Variants in MAML3 observed in about 807,000 individuals in gnomAD.
MAML3 encodes mastermind like transcriptional coactivator 3.
A neutral mutation model predicts 101.9 loss-of-function variants in MAML3; 27 were observed. The observed-to-expected ratio is 0.27, with a 90% CI of 0.20 to 0.37. The LOEUF (loss-of-function observed/expected upper bound fraction) is 0.37. Ranked by LOEUF, MAML3 falls within the 10% of genes least tolerant of loss-of-function variation. The pLI is 1.00. For missense variants in MAML3, 1,316 were observed against 1,444.9 expected (o/e 0.91, Z 1.45); for synonymous variants, 501 against 555.9 (o/e 0.90, Z 1.39).
At chr4:139,876,803 A>G (rs1304301441) in intron 2 of MAML3, among the ~76,000 whole-genome samples, 2 of 152,252 alleles carry the variant, frequency 1.3e-5, no homozygotes, top group Non-Finnish European at 2.9e-5. Flanking sequence ...CTGGGGCTGC[A>G]GTTTATCGGC....
At chr4:139,853,090 C>G (rs1721863593) in intron 2 of MAML3, among the ~76,000 whole-genome samples, 1 of 152,204 alleles carries the variant, frequency 6.6e-6, no homozygotes, top group South Asian at 2.1e-4. Flanking sequence ...TGACCAGAAC[C>G]AGAAAGTGAT....
intron 1 of MAML3, among the ~76,000 whole-genome samples, chr4:139,961,842 G>A (rs1045888506): frequency 1.3e-5 from 2 of 152,134 alleles, no homozygotes; most frequent in African/African-American, 4.8e-5. Flanking sequence ...AGCCGGGCAC[G>A]GTGGCTCACA....
intron 1 of MAML3, among the ~76,000 whole-genome samples, chr4:140,094,709 C>T (rs1041127831): frequency 3.3e-5 from 5 of 152,166 alleles, no homozygotes; most frequent in Non-Finnish European, 7.3e-5. Context: ...TTCTTCTGGG[C>T]TCTTTGTGTT....
chr4:140,112,378 TTAAAGGTA>T (rs1273636613), intron 1 of MAML3, among the ~76,000 whole-genome samples: 1 of 152,146 alleles, frequency 6.6e-6, no homozygotes, highest in Non-Finnish European at 1.5e-5. Context: ...CTCCATATTT[TTAAAGGTA>T]ACATGTTGAC....
intron 1 of MAML3, among the ~76,000 whole-genome samples, chr4:140,084,687 C>T (rs7697940): frequency 3.4e-4 from 52 of 152,178 alleles, no homozygotes; most frequent in Admixed American, 2.2e-3. Flanking sequence ...CAAAATGAAA[C>T]GACTCATAAA....
chr4:140,013,655 T>A (rs2110864391), intron 1 of MAML3, among the ~76,000 whole-genome samples: 1 of 152,354 alleles, frequency 6.6e-6, no homozygotes, highest in East Asian at 1.9e-4. Context: ...TTTATGGAAA[T>A]TAGATTACTT....
chr4:139,879,024 G>C (rs1428971931), intron 2 of MAML3, among the ~76,000 whole-genome samples: 1 of 152,142 alleles, frequency 6.6e-6, no homozygotes, highest in African/African-American at 2.4e-5. Flanking sequence ...ATTGGGACTG[G>C]GGAGAAGGGA....
chr4:140,031,101 C>T (rs551858244), intron 1 of MAML3, among the ~76,000 whole-genome samples: 21 of 152,136 alleles, frequency 1.4e-4, no homozygotes, highest in Admixed American at 8.5e-4. Flanking sequence ...GATATTGCCA[C>T]GAGTTATGAT....
intron 1 of MAML3, among the ~76,000 whole-genome samples, chr4:140,126,174 TAAA>T (rs542556461): frequency 7.4e-5 from 10 of 134,758 alleles, no homozygotes; most frequent in African/African-American, 2.4e-4. Context: ...AAGCATTGTT[TAAA>T]AAAAAAAAAA....
chr4:139,728,129 T>G (rs999716862), intron 3 of MAML3, among the ~76,000 whole-genome samples: 4 of 152,142 alleles, frequency 2.6e-5, no homozygotes, highest in Admixed American at 2.0e-4. Context: ...GTGGGAAGAT[T>G]GCTTGAGCTC....
chr4:140,006,160 A>C (rs944249767), intron 1 of MAML3, among the ~76,000 whole-genome samples: 1 of 152,176 alleles, frequency 6.6e-6, no homozygotes, highest in African/African-American at 2.4e-5. Flanking sequence ...TTATGAGAAC[A>C]CATAAGATGC....
chr4:139,801,331 A>C (rs551043777), intron 2 of MAML3, among the ~76,000 whole-genome samples: 31 of 152,372 alleles, frequency 2.0e-4, no homozygotes, highest in African/African-American at 6.7e-4. Context: ...CTGAAATTCA[A>C]ATTTAACTGG....
In MAML3 at chr4:140,123,339, C is replaced by T. The variant is rs113708329; in HGVS notation, c.468+29521G>A. Among the ~76,000 whole-genome samples, 1,101 of 152,208 alleles carry T rather than the reference C, an allele frequency of 7.2e-3. 15 individuals carry two copies. Among genetic ancestry groups the T allele is most frequent in the African/African-American group, 0.024 (1,005 of 41,530 alleles). On this transcript the variant is annotated intron_variant, in intron 1 of 4. Coordinates refer to ENST00000509479, the MANE Select transcript of MAML3 (RefSeq NM_018717.5). ...AAAGGTACATTTATGTTTATATTCA[C>T]ATAATTATAAAGGTCTAAAAAGTTA...
intron 2 of MAML3, among the ~76,000 whole-genome samples, chr4:139,795,936 A>C (rs968409777): frequency 6.6e-6 from 1 of 152,038 alleles, no homozygotes; most frequent in African/African-American, 2.4e-5. Flanking sequence ...TTTCCCATTT[A>C]CCCCACTATA....
At chr4:140,014,477 G>A (rs1726612302) in intron 1 of MAML3, among the ~76,000 whole-genome samples, 1 of 152,086 alleles carries the variant, frequency 6.6e-6, no homozygotes, top group South Asian at 2.1e-4. Context: ...TCCAAACAAC[G>A]GAATACCACA....
At chr4:140,084,485 T>C (rs1394075375) in intron 1 of MAML3, among the ~76,000 whole-genome samples, 7 of 152,216 alleles carry the variant, frequency 4.6e-5, no homozygotes, top group Admixed American at 2.0e-4. Context: ...GTGTATTTCT[T>C]TATACATTTT....
intron 1 of MAML3, among the ~76,000 whole-genome samples, chr4:140,017,135 CA>C (rs1726654982): frequency 6.6e-6 from 1 of 152,194 alleles, no homozygotes; most frequent in South Asian, 2.1e-4. Flanking sequence ...AGAATATGGG[CA>C]AAAGACTTGA....
Position 139,872,047 on chromosome 4 carries a change from G to A in MAML3, c.2079+17310C>T, listed in dbSNP as rs189445772. On this transcript the variant is annotated intron_variant, in intron 2 of 4. Transcript: ENST00000509479. Reference sequence around the variant, plus strand: ...GAACAGCAGGCACTAATTTTTTGTAGCAGTATTTCTCATCAAGGCACATGC... The same window carrying A: ...GAACAGCAGGCACTAATTTTTTGTAACAGTATTTCTCATCAAGGCACATGC... 7.2e-5 allele frequency among the ~76,000 whole-genome samples: 11 copies of A among 152,286 alleles called. No individual in the cohort carries two copies. In the East Asian group the frequency reaches 2.1e-3, roughly 29 times the overall value.
chr4:139,762,100 T>C (rs1047710282), intron 2 of MAML3, among the ~76,000 whole-genome samples: 2 of 152,190 alleles, frequency 1.3e-5, no homozygotes, highest in Admixed American at 1.3e-4. Context: ...AGGACTCTTG[T>C]TCGAGCTGCA....
Sources: gnomAD v4.1 joint callset for allele counts (sites outside exome capture counted in the v4.1 genomes callset) on GRCh38, gnomAD v4.1.1 for gene constraint, MANE v1.5 for transcripts, NCBI Gene and HGNC (gene_info 2026-07-23, HGNC 2026-07-21) for gene names.